The following SHISA9 variants were observed in gnomAD, a reference collection of about 807,000 sequenced individuals.
The protein encoded by SHISA9 is protein shisa-9.
In SHISA9, 13 loss-of-function variants were observed where a neutral mutation model predicts 38.0. That is an observed-to-expected ratio of 0.34 (90% CI 0.22 to 0.54). The LOEUF is 0.54. Ranked by LOEUF, SHISA9 falls within the 20% of genes least tolerant of loss-of-function variation. The pLI, the probability that SHISA9 is intolerant of heterozygous loss-of-function variation, is 0.91. For synonymous variants in SHISA9, 275 were observed against 242.0 expected, an observed-to-expected ratio of 1.14 and a Z score of -1.27; for missense variants, 538 against 575.8, an observed-to-expected ratio of 0.93 and a Z score of 0.67.
chr16:12,921,427 G>A (rs2071327212), intron 2 of SHISA9, among the ~76,000 whole-genome samples: 1 of 152,026 alleles, frequency 6.6e-6, no homozygotes, highest in Non-Finnish European at 1.5e-5. Context: ...GAGGCACCTG[G>A]GATGTCCTAC....
Position 13,100,052 on chromosome 16 carries a change from G to A in SHISA9, c.692-103342G>A, listed in dbSNP as rs375568508. On this transcript the variant is annotated intron_variant, in intron 2 of 4. Coordinates refer to ENST00000558583, the MANE Select transcript of SHISA9 (RefSeq NM_001145204.3). ...GACTGTAGCAAAGTGAGGGACACACGGCCCTTTCAGGAGACCACTCTTTAC... is the reference window on the plus strand; with the variant it reads ...GACTGTAGCAAAGTGAGGGACACACAGCCCTTTCAGGAGACCACTCTTTAC... Among the ~76,000 whole-genome samples, 158 of 152,304 alleles carry A rather than the reference G, an allele frequency of 1.0e-3. No homozygotes were observed. The Middle Eastern group carries it at 0.034, about 33-fold the overall frequency.
At chr16:13,272,377 C>CT in the SHISA9 span, among the ~76,000 whole-genome samples, 1 of 152,122 alleles carries the variant, frequency 6.6e-6, no homozygotes, top group East Asian at 1.9e-4. Context: ...AACCTCATTT[C>CT]TTTTTTTCTG....
intron 2 of SHISA9, among the ~76,000 whole-genome samples, chr16:13,170,817 C>T (rs1181732505): frequency 6.6e-6 from 1 of 151,960 alleles, no homozygotes; most frequent in Non-Finnish European, 1.5e-5. Context: ...CCACCACGCC[C>T]AGCTAGTTTT....
the SHISA9 span, among the ~76,000 whole-genome samples, chr16:13,299,344 C>A: frequency 6.6e-6 from 1 of 152,142 alleles, no homozygotes; most frequent in East Asian, 1.9e-4. Flanking sequence ...ATTTCTGTTG[C>A]CTTTTTACCG....
At chr16:13,482,801 T>TA in the SHISA9 span, among the ~76,000 whole-genome samples, 29,821 of 111,954 alleles carry the variant, frequency 0.27, 4,282 homozygotes, top group African/African-American at 0.35. Flanking sequence ...ATCCTGTCAC[T>TA]AAAAAAAAAA....
intron 2 of SHISA9, among the ~76,000 whole-genome samples, chr16:13,110,277 C>T (rs2073965055): frequency 6.6e-6 from 1 of 152,194 alleles, no homozygotes; most frequent in South Asian, 2.1e-4. Context: ...CCCATTCCTG[C>T]CACAGCCAAC....
At chr16:13,082,097 C>CA (rs2073657682) in intron 2 of SHISA9, among the ~76,000 whole-genome samples, 1 of 152,168 alleles carries the variant, frequency 6.6e-6, no homozygotes, top group African/African-American at 2.4e-5. Context: ...CAGAACCCCC[C>CA]AAAGGGGAAA....
chr16:13,553,227 T>G, the SHISA9 span, among the ~76,000 whole-genome samples: 38 of 152,330 alleles, frequency 2.5e-4, no homozygotes, highest in African/African-American at 8.4e-4. Context: ...GTAGGACTAT[T>G]CATTTCCCCA....
At chr16:13,281,175 C>T in the SHISA9 span, among the ~76,000 whole-genome samples, 2 of 151,772 alleles carry the variant, frequency 1.3e-5, no homozygotes, top group South Asian at 2.1e-4. Context: ...CTACACAGAG[C>T]GATTGCACAA....
At chr16:13,531,547 G>A in the SHISA9 span, among the ~76,000 whole-genome samples, 3 of 147,226 alleles carry the variant, frequency 2.0e-5, no homozygotes, top group Non-Finnish European at 3.0e-5. Flanking sequence ...TCCATGATAC[G>A]AAAAAGAAGA....
At chr16:13,232,423 A>G (rs1349449377) in intron 4 of SHISA9, among the ~76,000 whole-genome samples, 2 of 152,220 alleles carry the variant, frequency 1.3e-5, no homozygotes, top group Non-Finnish European at 2.9e-5. Context: ...TGTATCCCAG[A>G]ACTTAAAGTA....
chr16:13,095,194 A>G (rs2073813268), intron 2 of SHISA9, among the ~76,000 whole-genome samples: 1 of 152,184 alleles, frequency 6.6e-6, no homozygotes, highest in African/African-American at 2.4e-5. Flanking sequence ...TCTCAGAAGG[A>G]GATTGGCAGG....
chr16:12,979,308 T>C (rs2072209530), intron 2 of SHISA9, among the ~76,000 whole-genome samples: 1 of 152,198 alleles, frequency 6.6e-6, no homozygotes, highest in Non-Finnish European at 1.5e-5. Context: ...TGAAGTTTTT[T>C]TTTTTTTTGA....
chr16:13,247,076 A>G, the SHISA9 span, among the ~76,000 whole-genome samples: 1 of 152,020 alleles, frequency 6.6e-6, no homozygotes, highest in South Asian at 2.1e-4. Flanking sequence ...TCAGGAAACT[A>G]ACAATCATGG....
At chr16:13,560,718 A>G in the SHISA9 span, among the ~76,000 whole-genome samples, 1 of 150,290 alleles carries the variant, frequency 6.7e-6, no homozygotes, top group East Asian at 2.0e-4. Flanking sequence ...AAGATACATG[A>G]AAAAAGAGAA....
intron 2 of SHISA9, among the ~76,000 whole-genome samples, chr16:13,081,175 G>A (rs1174638205): frequency 2.0e-5 from 3 of 152,188 alleles, no homozygotes; most frequent in Non-Finnish European, 4.4e-5. Context: ...ATTTAATTTA[G>A]AAGTTTTTGC....
At chr16:13,173,263 C>A (rs1283039109) in intron 2 of SHISA9, among the ~76,000 whole-genome samples, 4 of 151,100 alleles carry the variant, frequency 2.6e-5, no homozygotes, top group Non-Finnish European at 5.9e-5. Flanking sequence ...GCAATATAAA[C>A]ACACAGAAAT....
At chr16:13,478,295 G>A in the SHISA9 span, among the ~76,000 whole-genome samples, 1 of 139,450 alleles carries the variant, frequency 7.2e-6, no homozygotes, top group South Asian at 2.3e-4. Context: ...TCTTAGTGCT[G>A]AGAGTTTTGG....
chr16:12,953,700 T>C (rs1033366551), intron 2 of SHISA9, among the ~76,000 whole-genome samples: 7 of 152,144 alleles, frequency 4.6e-5, no homozygotes, highest in Admixed American at 6.6e-5. Flanking sequence ...TGGGGGAATA[T>C]ATTAATTCAT....
Sources: allele counts gnomAD v4.1 joint callset (sites outside exome capture counted in the v4.1 genomes callset), GRCh38; gene constraint gnomAD v4.1.1; transcripts MANE v1.5; gene names NCBI Gene and HGNC (gene_info 2026-07-23, HGNC 2026-07-21).